Variants in PRIM2 observed in about 807,000 individuals in gnomAD.
The protein encoded by PRIM2 is DNA primase large subunit.
Under a neutral mutation model 67.3 loss-of-function variants are expected in PRIM2, and 39 were observed. The ratio of observed to expected loss-of-function variants is 0.58; its 90% CI spans 0.45 to 0.76. The LOEUF (loss-of-function observed/expected upper bound fraction) is 0.76, where lower values mean the gene tolerates loss of function less well. Ranked by LOEUF, PRIM2 falls within the 30% of genes least tolerant of loss-of-function variation. The pLI is 0.00. For missense variants in PRIM2, 398 were observed against 598.7 expected, an observed-to-expected ratio of 0.66 and a Z score of 3.50; for synonymous variants, 143 against 198.7, an observed-to-expected ratio of 0.72 and a Z score of 2.36.
At chr6:57,478,357 GAT>G (rs1562771849) in intron 7 of PRIM2, among the ~76,000 whole-genome samples, 32 of 140,114 alleles carry the variant, frequency 2.3e-4, no homozygotes, top group African/African-American at 8.5e-4. Flanking sequence ...TTTTGAGAGA[GAT>G]TCTTGTTCTC....
chr6:57,534,046 T>G (rs2127468896), intron 9 of PRIM2, among the ~76,000 whole-genome samples: 1 of 152,348 alleles, frequency 6.6e-6, no homozygotes, highest in African/African-American at 2.4e-5. Flanking sequence ...GCATGTCATT[T>G]GCATATCCCT....
At chr6:57,441,452 T>G (rs1772203441) in intron 7 of PRIM2, among the ~76,000 whole-genome samples, 2 of 152,170 alleles carry the variant, frequency 1.3e-5, no homozygotes, top group Non-Finnish European at 2.9e-5. Context: ...CAATAGCAAG[T>G]GATAGTATGT....
At chr6:57,231,116 A>G in the PRIM2 span, among the ~76,000 whole-genome samples, 1 of 152,252 alleles carries the variant, frequency 6.6e-6, no homozygotes, top group Non-Finnish European at 1.5e-5. Context: ...TTTAGTGCCT[A>G]GAAACCAGGG....
At position 57,356,932 on chromosome 6, in the gene PRIM2, T is replaced by C. The variant is rs1179713391; in HGVS notation, c.460-22969T>C. 6.8e-5 allele frequency among the ~76,000 whole-genome samples: 6 copies of C among 87,790 alleles called. No homozygotes were observed. The South Asian group carries it at 1.9e-3, about 27-fold the overall frequency. The allele number at this position is 87,790 out of a possible 152,430, so 57.6% of individuals were successfully genotyped here. ...CCATGATTTCTTATCCAATCCATTC[T>C]TTTTTTTTTTTTTTTTTTTGACACG... On this transcript the variant is annotated intron_variant, in intron 5 of 13. Coordinates refer to ENST00000615550, the MANE Select transcript of PRIM2 (RefSeq NM_000947.5).
At chr6:57,607,778 C>T (rs1310442938) in intron 12 of PRIM2, among the ~76,000 whole-genome samples, 10 of 152,218 alleles carry the variant, frequency 6.6e-5, no homozygotes, top group East Asian at 1.9e-4. Context: ...AAGTTCTTAA[C>T]GTATCTATGT....
intron 7 of PRIM2, chr6:57,382,699 G>A (rs1468625904): frequency 6.6e-6 from 1 of 152,180 alleles, no homozygotes; most frequent in Non-Finnish European, 1.5e-5. Context: ...TTGGAAGTGT[G>A]ACTCTTAAGT....
intron 7 of PRIM2, among the ~76,000 whole-genome samples, chr6:57,496,280 T>C (rs1312011158): frequency 3.3e-5 from 5 of 152,178 alleles, no homozygotes; most frequent in African/African-American, 1.2e-4. Flanking sequence ...CAAAAAGTGG[T>C]ACACTGTTTA....
intron 7 of PRIM2, among the ~76,000 whole-genome samples, chr6:57,398,147 G>A (rs1479475920): frequency 5.3e-5 from 8 of 151,624 alleles, no homozygotes; most frequent in African/African-American, 1.7e-4. Flanking sequence ...TTTAGTAGAG[G>A]TGGGGTTTCA....
chr6:57,351,050 GAGAACTGCAAC>G (rs1482895217), intron 5 of PRIM2, among the ~76,000 whole-genome samples: 7 of 150,422 alleles, frequency 4.7e-5, no homozygotes, highest in Non-Finnish European at 8.8e-5. Context: ...GTATGATGAA[GAGAACTGCAAC>G]AGCTGAGTAA....
the PRIM2 span, among the ~76,000 whole-genome samples, chr6:57,290,911 A>G: frequency 6.6e-6 from 1 of 152,218 alleles, no homozygotes; most frequent in Non-Finnish European, 1.5e-5. Flanking sequence ...AAGATCTAAA[A>G]TGGACACCCT....
At chr6:57,465,147 C>A (rs1194325283) in intron 7 of PRIM2, among the ~76,000 whole-genome samples, 2 of 152,032 alleles carry the variant, frequency 1.3e-5, no homozygotes, top group African/African-American at 4.8e-5. Context: ...TAGATGCTAC[C>A]CAGCATCTAA....
rs1210765234 is a variant in PRIM2, at chr6:57,645,361, ACACACACAC to A, written c.1300-566_1300-558del. Among the ~76,000 whole-genome samples the A allele has an allele frequency of 3.6e-5, 5 of 139,428 alleles. No individual in the cohort carries two copies. In the East Asian group the frequency reaches 8.7e-4, roughly 24 times the overall value. The allele number at this position is 139,428 out of a possible 152,430, so 91.5% of individuals were successfully genotyped here. ...CACACACACACACACACACACACAC[ACACACACAC>A]ATTTGTATTCCAAACATATTTTTAT... On this transcript the variant is annotated intron_variant, in intron 13 of 13. Coordinates refer to ENST00000615550, the MANE Select transcript of PRIM2 (RefSeq NM_000947.5).
At chr6:57,377,115 C>T (rs1581842882) in intron 5 of PRIM2, among the ~76,000 whole-genome samples, 1 of 151,366 alleles carries the variant, frequency 6.6e-6, no homozygotes, top group Non-Finnish European at 1.5e-5. Flanking sequence ...GTCTCAAACT[C>T]CTGACCTCAT....
At chr6:57,502,862 C>G (rs1366418532) in intron 7 of PRIM2, among the ~76,000 whole-genome samples, 2 of 152,196 alleles carry the variant, frequency 1.3e-5, no homozygotes, top group Non-Finnish European at 2.9e-5. Context: ...CAGGAGGTCA[C>G]AGTTTCAACT....
the PRIM2 span, among the ~76,000 whole-genome samples, chr6:57,303,205 T>G: frequency 6.6e-6 from 1 of 152,158 alleles, no homozygotes; most frequent in South Asian, 2.1e-4. Context: ...ATAATTAAAA[T>G]TGACAACATT....
intron 7 of PRIM2, among the ~76,000 whole-genome samples, chr6:57,424,077 A>G (rs1771546994): frequency 6.6e-6 from 1 of 152,258 alleles, no homozygotes; most frequent in Non-Finnish European, 1.5e-5. Context: ...CAGTTTAGCC[A>G]GCGTGGATTG....
intron 7 of PRIM2, among the ~76,000 whole-genome samples, chr6:57,390,376 TCAA>T (rs1365218196): frequency 6.6e-6 from 1 of 152,178 alleles, no homozygotes; most frequent in Non-Finnish European, 1.5e-5. Context: ...TGTTGTCTAT[TCAA>T]CACATATTTC....
chr6:57,641,041 A>G (rs1777224014), intron 13 of PRIM2, among the ~76,000 whole-genome samples: 1 of 152,152 alleles, frequency 6.6e-6, no homozygotes, highest in South Asian at 2.1e-4. Context: ...CAAAACAGAT[A>G]TATAGACCAA....
chr6:57,320,376 T>C (rs1767612615), intron 2 of PRIM2, 81 bp from the exon 3 acceptor site: 1 of 905,538 alleles, frequency 1.1e-6, no homozygotes. Flanking sequence ...CAAGTAATTA[T>C]GGAATTGCCC....
Sources: gnomAD v4.1 joint callset for allele counts (sites outside exome capture counted in the v4.1 genomes callset) on GRCh38, gnomAD v4.1.1 for gene constraint, MANE v1.5 for transcripts, NCBI Gene and HGNC (gene_info 2026-07-23, HGNC 2026-07-21) for gene names.